APP: variants seen among roughly 807,000 people sequenced by gnomAD.
The protein encoded by APP is amyloid beta precursor protein.
A neutral mutation model predicts 101.4 loss-of-function variants in APP; 31 were observed. That is an observed-to-expected ratio of 0.31 (90% CI 0.23 to 0.41). The LOEUF is 0.41. Among genes scored for constraint, APP ranks in the 10% least tolerant of loss-of-function variants. The pLI is 1.00. For synonymous variants in APP, 366 were observed against 364.4 expected (o/e 1.00, Z -0.05); for missense variants, 839 against 1,003.7 (o/e 0.84, Z 2.22).
intron 6 of APP, among the ~76,000 whole-genome samples, chr21:26,008,698 A>G (rs1384128159): frequency 6.6e-6 from 1 of 152,206 alleles, no homozygotes; most frequent in Non-Finnish European, 1.5e-5. Flanking sequence ...GACAGGAAAT[A>G]GGGGCACAAG....
intron 5 of APP, 89 bp downstream of exon 5, chr21:26,050,911 T>A: frequency 6.6e-7 from 1 of 1,515,348 alleles, no homozygotes; most frequent in Non-Finnish European, 9.1e-7. Flanking sequence ...ACCTTTTCAG[T>A]GATAAACAGA....
chr21:26,116,940 G>A (rs1321183587), intron 1 of APP, among the ~76,000 whole-genome samples: 1 of 152,072 alleles, frequency 6.6e-6, no homozygotes, highest in East Asian at 1.9e-4. Context: ...AGAGTGCAGT[G>A]GCATGATCTC....
intron 1 of APP, among the ~76,000 whole-genome samples, chr21:26,131,245 A>G (rs1197940167): frequency 6.6e-6 from 1 of 151,984 alleles, no homozygotes; most frequent in Admixed American, 6.5e-5. Context: ...ATAAATAAAT[A>G]AATAAATAAA....
At chr21:26,152,933 A>G (rs1004106982) in intron 1 of APP, among the ~76,000 whole-genome samples, 4 of 152,224 alleles carry the variant, frequency 2.6e-5, no homozygotes, top group Admixed American at 1.3e-4. Flanking sequence ...AAGATGTGGC[A>G]TATATATATC....
chr21:26,145,467 G>T (rs985907392), intron 1 of APP, among the ~76,000 whole-genome samples: 1 of 152,158 alleles, frequency 6.6e-6, no homozygotes. Context: ...AGAATCTACT[G>T]CCAGGAAGCA....
In APP at chr21:25,954,496, T is replaced by A. The variant is rs1967945; in HGVS notation, c.1687+94A>T. ...GTAAAAGGCAAGCTGTTCTATTAAC[T>A]TCCATATTCCTCAAACAGATAACTC... On this transcript the variant is annotated intron_variant, in intron 13 of 17. Transcript: ENST00000346798. 8,901 of 1,122,614 alleles carry A rather than the reference T, an allele frequency of 7.9e-3. 464 individuals are homozygous for A. In the African/African-American group the frequency reaches 0.12, roughly 15 times the overall value. The allele number at this position is 1,122,614 out of a possible 1,614,324, so 69.5% of individuals were successfully genotyped here. A position where few individuals can be genotyped will look rare whatever the true frequency, so the allele number is the denominator to read the frequency against.
intron 4 of APP, 102 bp downstream of exon 4, chr21:26,053,127 TAAATAAC>T: frequency 1.1e-6 from 1 of 886,320 alleles, no homozygotes; most frequent in Non-Finnish European, 1.9e-6. Flanking sequence ...GTTTTTTTCT[TAAATAAC>T]TTATCAACAT....
At chr21:26,143,367 C>T (rs1242558171) in intron 1 of APP, among the ~76,000 whole-genome samples, 2 of 152,132 alleles carry the variant, frequency 1.3e-5, no homozygotes, top group African/African-American at 4.8e-5. Context: ...TTTGGCTTTA[C>T]CATAGAGCTA....
At chr21:26,048,809 A>AG (rs11391760) in intron 5 of APP, among the ~76,000 whole-genome samples, 104,960 of 152,080 alleles carry the variant, frequency 0.69, 36,589 homozygotes, top group East Asian at 0.85. Flanking sequence ...ATAAATATAT[A>AG]GATTTTGACG....
intron 8 of APP, among the ~76,000 whole-genome samples, chr21:25,987,654 G>A (rs1466198483): frequency 6.6e-6 from 1 of 152,152 alleles, no homozygotes; most frequent in Non-Finnish European, 1.5e-5. Context: ...AATATACAGT[G>A]GCATTTTGGA....
chr21:25,935,113 A>G (rs2040307670), intron 13 of APP: 1 of 152,232 alleles, frequency 6.6e-6, no homozygotes, highest in Non-Finnish European at 1.5e-5. Flanking sequence ...CTGTGTGTCA[A>G]ATGCCTGGCG....
Position 25,918,686 on chromosome 21 carries a change from G to A in APP, c.1688-6724C>T, listed in dbSNP as rs578059258. ...CGCTTTTCAGACCGGCTTAAGAAAC[G>A]GCGCACCACGAGACTATATCCCACA... On this transcript the variant is annotated intron_variant, in intron 13 of 17. Transcript: ENST00000346798. Among the ~76,000 whole-genome samples the A allele has an allele frequency of 1.0e-3, 156 of 151,756 alleles. 1 individual carries two copies. Among genetic ancestry groups the A allele is most frequent in the Non-Finnish European group, 1.6e-3 (112 of 67,962 alleles).
intron 8 of APP, among the ~76,000 whole-genome samples, chr21:25,988,235 A>G (rs1025694578): frequency 3.3e-5 from 5 of 152,186 alleles, no homozygotes; most frequent in Non-Finnish European, 5.9e-5. Flanking sequence ...CAAGAGAGGA[A>G]GTAGTGGGAG....
At chr21:26,049,398 A>G (rs1014414978) in intron 5 of APP, among the ~76,000 whole-genome samples, 3 of 152,180 alleles carry the variant, frequency 2.0e-5, no homozygotes, top group Admixed American at 2.0e-4. Flanking sequence ...ACAATGGATG[A>G]CGGTGGAGGG....
intron 1 of APP, among the ~76,000 whole-genome samples, chr21:26,138,791 C>T (rs375363553): frequency 1.3e-5 from 2 of 152,134 alleles, no homozygotes; most frequent in African/African-American, 2.4e-5. Flanking sequence ...ACAGTCAGTA[C>T]CTGTTACTCA....
chr21:25,950,030 AC>A (rs10706416), intron 13 of APP, among the ~76,000 whole-genome samples: 152,318 of 152,318 alleles, frequency 1, 76,159 homozygotes, highest in Non-Finnish European at 1. Flanking sequence ...AAATGCAAGA[AC>A]AGCCCACTTC....
rs377182453 is a variant in APP at position 25,881,962 on chromosome 21, C to T, written c.2212-191G>A. ...GCCCACCAGTTACACAGATGCTGTG[C>T]TCCATCTAGCCACCAGGTGGCGGTG... On this transcript the variant is annotated intron_variant, in intron 17 of 17. Coordinates refer to ENST00000346798, the MANE Select transcript of APP (RefSeq NM_000484.4). Among the ~76,000 whole-genome samples, 15 of 152,232 alleles carry T rather than the reference C, an allele frequency of 9.9e-5. No individual in the cohort carries two copies. In the East Asian group the frequency reaches 2.7e-3, roughly 28 times the overall value.
chr21:25,887,245 A>C (rs1028849286), intron 17 of APP, among the ~76,000 whole-genome samples: 5 of 152,218 alleles, frequency 3.3e-5, no homozygotes, highest in African/African-American at 1.2e-4. Context: ...GCTACTAAAC[A>C]GATCCTGGGA....
At chr21:26,013,296 G>A (rs779603760) in intron 6 of APP, among the ~76,000 whole-genome samples, 6 of 152,120 alleles carry the variant, frequency 3.9e-5, no homozygotes, top group Non-Finnish European at 7.3e-5. Context: ...CAGCCTGGGC[G>A]ACAAACAAAA....
Sources: allele counts gnomAD v4.1 joint callset (sites outside exome capture counted in the v4.1 genomes callset), GRCh38; gene constraint gnomAD v4.1.1; transcripts MANE v1.5; gene names NCBI Gene and HGNC (gene_info 2026-07-23, HGNC 2026-07-21).